Variants in TMEM132C observed in about 807,000 individuals in gnomAD.
TMEM132C encodes the protein transmembrane protein 132C.
TMEM132C carries 29 observed loss-of-function variants against 61.4 expected under a neutral mutation model. That is an observed-to-expected ratio of 0.47 (90% confidence interval 0.35 to 0.64). The LOEUF (loss-of-function observed/expected upper bound fraction) is 0.64. Ranked by LOEUF, TMEM132C falls within the 30% of genes least tolerant of loss-of-function variation. TMEM132C has a pLI of 0.00. For synonymous variants in TMEM132C, 656 were observed against 633.1 expected (o/e 1.04, Z -0.54); for missense variants, 1,408 against 1,476.9 (o/e 0.95, Z 0.76).
chr12:128,435,206 C>T (rs1369722642), intron 2 of TMEM132C, among the ~76,000 whole-genome samples: 1 of 152,184 alleles, frequency 6.6e-6, no homozygotes, highest in African/African-American at 2.4e-5. Context: ...AACTGTCAAA[C>T]AATACATGTC....
intron 2 of TMEM132C, among the ~76,000 whole-genome samples, chr12:128,484,796 A>G (rs1203281219): frequency 6.6e-6 from 1 of 152,030 alleles, no homozygotes; most frequent in African/African-American, 2.4e-5. Context: ...ACCTCTATAT[A>G]AAATTTTAAA....
chr12:128,457,507 C>T (rs1292445884), intron 2 of TMEM132C, among the ~76,000 whole-genome samples: 2 of 149,744 alleles, frequency 1.3e-5, no homozygotes, highest in Admixed American at 6.7e-5. Context: ...ACCTGGGAGA[C>T]GGAGCTTGCA....
At chr12:128,635,268 T>C (rs557826689) in intron 4 of TMEM132C, among the ~76,000 whole-genome samples, 1 of 152,214 alleles carries the variant, frequency 6.6e-6, no homozygotes, top group Non-Finnish European at 1.5e-5. Context: ...GAATTCCTGC[T>C]GTGCTCAAGT....
chr12:128,644,747 A>G (rs1268848004), intron 4 of TMEM132C, among the ~76,000 whole-genome samples: 1 of 152,164 alleles, frequency 6.6e-6, no homozygotes, highest in Non-Finnish European at 1.5e-5. Flanking sequence ...TGGCATGTAT[A>G]TTTCCCCTCA....
rs145906660 is a variant in TMEM132C at position 128,643,237 on chromosome 12, T to C, written c.1306-26180T>C. Reference sequence around the variant, plus strand: ...CGCTTGTGCTTCTCAAAATTAAATCTGCAAAGCTGGGCTGAGACACAGGAA... The same window carrying C: ...CGCTTGTGCTTCTCAAAATTAAATCCGCAAAGCTGGGCTGAGACACAGGAA... On this transcript the variant is annotated intron_variant, in intron 4 of 8. Coordinates refer to ENST00000435159, the MANE Select transcript of TMEM132C (RefSeq NM_001136103.3). 7.9e-4 allele frequency among the ~76,000 whole-genome samples: 121 copies of C among 152,290 alleles called. 2 individuals are homozygous for C. The highest frequency in any genetic ancestry group is 7.5e-3 in the South Asian group (36 of 4,822).
At chr12:128,597,837 T>C (rs1876026118) in intron 3 of TMEM132C, among the ~76,000 whole-genome samples, 1 of 152,176 alleles carries the variant, frequency 6.6e-6, no homozygotes, top group Non-Finnish European at 1.5e-5. Context: ...GTTTAAGTGT[T>C]TGAGGGTGTT....
intron 2 of TMEM132C, among the ~76,000 whole-genome samples, chr12:128,460,980 C>G (rs549940974): frequency 1.3e-5 from 2 of 152,142 alleles, no homozygotes; most frequent in African/African-American, 2.4e-5. Flanking sequence ...GGAGAGGATG[C>G]GTGTTCATCA....
chr12:128,603,029 G>A lies in TMEM132C; in HGVS notation c.1122-13123G>A, dbSNP rs575858284. Among the ~76,000 whole-genome samples, 8 of 152,334 alleles carry A rather than the reference G, an allele frequency of 5.3e-5. No individual in the cohort carries two copies. In the East Asian group the frequency reaches 1.5e-3, roughly 29 times the overall value. On this transcript the variant is annotated intron_variant, in intron 3 of 8. Coordinates refer to ENST00000435159, the MANE Select transcript of TMEM132C (RefSeq NM_001136103.3). ...TTGGAATTTTCTGGGCAGTTCCTCT[G>A]TTGGAGCTGTATCCATCTGAGGCAG...
At chr12:128,282,759 T>C (rs1870938771) in intron 1 of TMEM132C, among the ~76,000 whole-genome samples, 1 of 152,206 alleles carries the variant, frequency 6.6e-6, no homozygotes. Flanking sequence ...TTTCATGACT[T>C]TGACACTGCG....
chr12:128,327,245 AC>A (rs1872550419), intron 1 of TMEM132C, among the ~76,000 whole-genome samples: 1 of 150,060 alleles, frequency 6.7e-6, no homozygotes, highest in Non-Finnish European at 1.5e-5. Flanking sequence ...ACAAAAAGAG[AC>A]CCTGTAAAAT....
Position 128,290,881 on chromosome 12 carries a change from A to G in TMEM132C, c.85+23394A>G, listed in dbSNP as rs77650044. Among the ~76,000 whole-genome samples the G allele has an allele frequency of 2.1e-3, 315 of 152,234 alleles. 7 individuals carry two copies. The East Asian group carries it at 0.05, about 24-fold the overall frequency. On this transcript the variant is annotated intron_variant, in intron 1 of 8. Transcript: ENST00000435159. ...AAAAAAAGAAATAAGTGATTTCCCAATTTCATAATAGAAATGACTGAATAT... is the reference window on the plus strand; with the variant it reads ...AAAAAAAGAAATAAGTGATTTCCCAGTTTCATAATAGAAATGACTGAATAT...
chr12:128,697,074 G>A (rs1233151827), intron 7 of TMEM132C, 150 bp from the exon 8 acceptor site: 2 of 577,658 alleles, frequency 3.5e-6, no homozygotes, highest in Non-Finnish European at 5.6e-6. Flanking sequence ...CATGGGATGG[G>A]CCAGCATATA....
intron 7 of TMEM132C, 68 bp downstream of exon 7, chr12:128,696,171 G>C: frequency 6.7e-7 from 1 of 1,499,264 alleles, no homozygotes; most frequent in Non-Finnish European, 8.9e-7. Context: ...AGAGTCAATG[G>C]GTGGGCAGAT....
At chr12:128,314,406 C>T (rs1872079704) in intron 1 of TMEM132C, among the ~76,000 whole-genome samples, 1 of 152,168 alleles carries the variant, frequency 6.6e-6, no homozygotes, top group Non-Finnish European at 1.5e-5. Context: ...ACAGAAAGCT[C>T]CCATACTCAT....
chr12:128,627,659 C>G (rs568018756), intron 4 of TMEM132C, among the ~76,000 whole-genome samples: 62 of 152,294 alleles, frequency 4.1e-4, no homozygotes, highest in African/African-American at 1.3e-3. Flanking sequence ...AATCCTGTGA[C>G]CATCATTCGG....
At chr12:128,350,891 C>T (rs1873317515) in intron 1 of TMEM132C, among the ~76,000 whole-genome samples, 2 of 152,046 alleles carry the variant, frequency 1.3e-5, no homozygotes, top group African/African-American at 4.8e-5. Flanking sequence ...CAGGAAGTCA[C>T]CTTAAAGGTA....
At chr12:128,343,196 C>T (rs186442542) in intron 1 of TMEM132C, among the ~76,000 whole-genome samples, 70 of 152,062 alleles carry the variant, frequency 4.6e-4, no homozygotes, top group Non-Finnish European at 1.5e-4. Context: ...GAGGCCGAGA[C>T]GGGTGGATCA....
intron 4 of TMEM132C, among the ~76,000 whole-genome samples, chr12:128,638,249 T>C (rs1954118103): frequency 6.6e-6 from 1 of 152,182 alleles, no homozygotes; most frequent in African/African-American, 2.4e-5. Flanking sequence ...TCTTTCTTGG[T>C]GTCAGTCATG....
chr12:128,511,028 A>G (rs1872548777), intron 2 of TMEM132C, among the ~76,000 whole-genome samples: 1 of 152,136 alleles, frequency 6.6e-6, no homozygotes, highest in African/African-American at 2.4e-5. Flanking sequence ...CTCCTTGATG[A>G]GCTGGCAGGC....
Sources: gnomAD v4.1 joint callset for allele counts (sites outside exome capture counted in the v4.1 genomes callset) on GRCh38, gnomAD v4.1.1 for gene constraint, MANE v1.5 for transcripts, NCBI Gene and HGNC (gene_info 2026-07-23, HGNC 2026-07-21) for gene names.